The following CCM2 variants were observed in gnomAD, a reference collection of about 807,000 sequenced individuals.
CCM2 encodes the protein cerebral cavernous malformations 2 protein.
A neutral mutation model predicts 44.9 loss-of-function variants in CCM2; 25 were observed. The ratio of observed to expected loss-of-function variants is 0.56; its 90% confidence interval spans 0.41 to 0.78. The LOEUF (loss-of-function observed/expected upper bound fraction) is 0.78. Among genes scored for constraint, CCM2 ranks in the 30% least tolerant of loss-of-function variants. The probability of loss-of-function intolerance (pLI) is 0.00; values close to 1 mark genes in which losing one functional copy is unlikely to be tolerated. For synonymous variants in CCM2, 219 were observed against 241.1 expected (o/e 0.91, Z 0.85); for missense variants, 481 against 580.6 (o/e 0.83, Z 1.76).
At chr7:45,055,698 T>A (rs1471902066) in intron 2 of CCM2, among the ~76,000 whole-genome samples, 1 of 152,076 alleles carries the variant, frequency 6.6e-6, no homozygotes, top group East Asian at 1.9e-4. Flanking sequence ...AAAAAAAAGA[T>A]TTACTGTCTT....
At chr7:45,074,185 G>C (rs572849326) in intron 8 of CCM2, 85 bp from the exon 9 acceptor site, 1 of 1,601,774 alleles carries the variant, frequency 6.2e-7, no homozygotes. Flanking sequence ...GCTCTGGCTG[G>C]GGTTAGTGGC....
intron 9 of CCM2, among the ~76,000 whole-genome samples, chr7:45,075,343 G>A (rs1289773128): frequency 6.6e-6 from 1 of 152,262 alleles, no homozygotes; most frequent in East Asian, 1.9e-4. Context: ...ACTGGACTTT[G>A]GCATGAGGCC....
intron 1 of CCM2, among the ~76,000 whole-genome samples, chr7:45,001,224 C>T (rs745478599): frequency 5.3e-5 from 8 of 152,110 alleles, no homozygotes; most frequent in Admixed American, 1.3e-4. Context: ...GACAGAGTGC[C>T]CCATTTAAAA....
At chr7:45,031,887 G>T (rs1031682433) in intron 1 of CCM2, among the ~76,000 whole-genome samples, 1 of 152,132 alleles carries the variant, frequency 6.6e-6, no homozygotes, top group African/African-American at 2.4e-5. Flanking sequence ...CTTAAATTTT[G>T]TGTTCAAAAG....
At chr7:45,071,443 A>T (rs1375992519) in intron 6 of CCM2, 2 of 195,338 alleles carry the variant, frequency 1.0e-5, no homozygotes, top group Admixed American at 1.1e-4. Flanking sequence ...TCCCCGTGGG[A>T]TCCACACACA....
At chr7:45,041,918 G>A (rs1797521772) in intron 2 of CCM2, among the ~76,000 whole-genome samples, 1 of 152,160 alleles carries the variant, frequency 6.6e-6, no homozygotes, top group South Asian at 2.1e-4. Flanking sequence ...CAGCAGTAAC[G>A]AGGAAGGAGC....
Position 45,074,310 on chromosome 7 carries a change from C to T in CCM2, c.956C>T (p.Ala319Val). The T allele has an allele frequency of 6.2e-7, 1 of 1,613,762 alleles. No homozygotes were observed. The highest frequency in any genetic ancestry group is 8.5e-7 in the Non-Finnish European group (1 of 1,180,010). Residue 319 changes from alanine to valine, a missense_variant, in exon 9 of 10, where the codon GCA becomes GTA. Ala to Val is a moderately conservative substitution (Grantham distance 64, BLOSUM62 0). Transcript: ENST00000258781. ...KLSSQEIQQF[A>V]ALLHEYRNGA... ...TCATCACAGGAGATCCAGCAGTTTG[C>T]AGCACTGCTGCACGAGTACCGCAAT... is the stretch of plus-strand genomic sequence containing the variant.
intron 1 of CCM2, among the ~76,000 whole-genome samples, chr7:45,007,381 C>CT (rs1404245820): frequency 6.6e-6 from 1 of 152,130 alleles, no homozygotes; most frequent in Admixed American, 6.6e-5. Flanking sequence ...CACTCCTTGG[C>CT]TTTTTTATCT....
chr7:45,052,169 C>G (rs1026367361), intron 2 of CCM2, among the ~76,000 whole-genome samples: 1 of 152,172 alleles, frequency 6.6e-6, no homozygotes, highest in Non-Finnish European at 1.5e-5. Flanking sequence ...GAGGCAAACC[C>G]TTATGTGGAG....
chr7:45,043,939 G>A (rs1034779434), intron 2 of CCM2, among the ~76,000 whole-genome samples: 5 of 151,984 alleles, frequency 3.3e-5, no homozygotes, highest in Admixed American at 3.3e-4. Context: ...TGTTTCCAGT[G>A]CCCTCCTACA....
At chr7:45,012,949 T>A (rs1796124189) in intron 1 of CCM2, among the ~76,000 whole-genome samples, 1 of 152,200 alleles carries the variant, frequency 6.6e-6, no homozygotes, top group Admixed American at 6.5e-5. Flanking sequence ...ACAGCTTGCT[T>A]TTTTATCTAG....
chr7:45,074,139 C>G, intron 8 of CCM2, 131 bp from the exon 9 acceptor site: 1 of 1,541,670 alleles, frequency 6.5e-7, no homozygotes, highest in South Asian at 1.2e-5. Context: ...TTCTGATGCC[C>G]CAGCCTGTGC....
intron 1 of CCM2, among the ~76,000 whole-genome samples, chr7:45,003,498 C>T (rs950542307): frequency 1.3e-5 from 2 of 151,910 alleles, no homozygotes; most frequent in South Asian, 2.1e-4. Flanking sequence ...TTTGGGAGGC[C>T]GAAGCAGGCG....
chr7:45,003,168 C>T (rs1020947253), intron 1 of CCM2, among the ~76,000 whole-genome samples: 4 of 152,102 alleles, frequency 2.6e-5, no homozygotes, highest in Non-Finnish European at 4.4e-5. Flanking sequence ...CTCCGCCTCC[C>T]GGGTTCAGGT....
intron 1 of CCM2, among the ~76,000 whole-genome samples, chr7:45,008,604 C>T (rs1284475210): frequency 6.6e-6 from 1 of 151,328 alleles, no homozygotes; most frequent in Non-Finnish European, 1.5e-5. Flanking sequence ...TCAGGTGATC[C>T]ACCTACCTCG....
At chr7:45,043,057 C>T (rs1055767526) in intron 2 of CCM2, among the ~76,000 whole-genome samples, 5 of 151,228 alleles carry the variant, frequency 3.3e-5, no homozygotes, top group Non-Finnish European at 7.4e-5. Flanking sequence ...ACTGCAGCCT[C>T]GACCTTCCAA....
chr7:45,070,919 TA>T (rs1799038258), intron 6 of CCM2: 1 of 153,054 alleles, frequency 6.5e-6, no homozygotes, highest in African/African-American at 2.4e-5. Flanking sequence ...GTGAAGAGAG[TA>T]AATGGTGGAG....
chr7:45,073,416 A>G (rs1277007783), intron 7 of CCM2, 44 bp from the exon 8 acceptor site: 1 of 1,354,576 alleles, frequency 7.4e-7, no homozygotes, highest in Middle Eastern at 1.8e-4. Context: ...TGTGGGATGG[A>G]GGGTCGGGGA....
intron 2 of CCM2, among the ~76,000 whole-genome samples, chr7:45,047,135 G>A (rs536141128): frequency 6.6e-6 from 1 of 152,294 alleles, no homozygotes; most frequent in African/African-American, 2.4e-5. Context: ...AAATGGTACC[G>A]CCACTCTAGA....
Sources: allele counts gnomAD v4.1 joint callset (sites outside exome capture counted in the v4.1 genomes callset), GRCh38; gene constraint gnomAD v4.1.1; transcripts MANE v1.5; gene names NCBI Gene and HGNC (gene_info 2026-07-23, HGNC 2026-07-21).